The following SAMD3 variants were observed in gnomAD, a reference collection of about 807,000 sequenced individuals.
SAMD3 encodes sterile alpha motif domain-containing protein 3.
A neutral mutation model predicts 58.5 loss-of-function variants in SAMD3; 63 were observed. The observed-to-expected ratio is 1.08, with a 90% CI of 0.88 to 1.33. The LOEUF is 1.33. Among genes scored for constraint, SAMD3 ranks in the 40% most tolerant of loss-of-function variants. The pLI, the probability that SAMD3 is intolerant of heterozygous loss-of-function variation, is 0.00. For missense variants in SAMD3, 604 were observed against 608.4 expected, an observed-to-expected ratio of 0.99 and a Z score of 0.08; for synonymous variants, 220 against 210.3, an observed-to-expected ratio of 1.05 and a Z score of -0.40.
chr6:130,193,172 C>T (rs1273031134), intron 5 of SAMD3, among the ~76,000 whole-genome samples: 4 of 152,076 alleles, frequency 2.6e-5, no homozygotes, highest in African/African-American at 7.2e-5. Flanking sequence ...GCAGGAAGTC[C>T]CACTTTTCTG....
At chr6:130,339,067 G>T (rs879930476) in intron 1 of SAMD3, among the ~76,000 whole-genome samples, 9 of 152,016 alleles carry the variant, frequency 5.9e-5, no homozygotes, top group Non-Finnish European at 1.3e-4. Context: ...GTTTTTTTGA[G>T]ATGGAGTCTC....
At chr6:130,309,030 T>C (rs983039113) in intron 2 of SAMD3, among the ~76,000 whole-genome samples, 4 of 152,192 alleles carry the variant, frequency 2.6e-5, no homozygotes, top group African/African-American at 9.6e-5. Context: ...ATTTGATCTC[T>C]GATAATAAGG....
At chr6:130,148,311 A>C (rs374291770) in intron 9 of SAMD3, among the ~76,000 whole-genome samples, 224 of 152,368 alleles carry the variant, frequency 1.5e-3, no homozygotes, top group African/African-American at 5.1e-3. Flanking sequence ...AACGGTTACA[A>C]ATCTGATCCT....
Position 130,152,655 on chromosome 6 carries a change from C to T in SAMD3, c.1023+2170G>A, listed in dbSNP as rs192927307. Among the ~76,000 whole-genome samples, 254 of 151,702 alleles carry T rather than the reference C, an allele frequency of 1.7e-3. 1 individual carries two copies. The highest frequency in any genetic ancestry group is 5.4e-3 in the African/African-American group (224 of 41,304). ...TTGTGCCACTGCACTCCAGCCTGGG[C>T]GACAAAGTAAGACTCTGTCTCAATA... On this transcript the variant is annotated intron_variant, in intron 9 of 11. Transcript: ENST00000439090.
chr6:130,339,200 C>T (rs949152585), intron 1 of SAMD3, among the ~76,000 whole-genome samples: 2 of 152,112 alleles, frequency 1.3e-5, no homozygotes, highest in African/African-American at 4.8e-5. Context: ...GTGCCTGCCA[C>T]CACGCCCGGC....
chr6:130,191,468 T>G (rs189498153), intron 5 of SAMD3, among the ~76,000 whole-genome samples: 1 of 152,184 alleles, frequency 6.6e-6, no homozygotes, highest in East Asian at 1.9e-4. Context: ...AAACCCCTTT[T>G]GGAGCTATTG....
intron 2 of SAMD3, among the ~76,000 whole-genome samples, chr6:130,302,405 T>C (rs1267546957): frequency 6.6e-6 from 1 of 152,140 alleles, no homozygotes; most frequent in Non-Finnish European, 1.5e-5. Context: ...TCAAAATAGC[T>C]ATTATTAAAA....
intron 2 of SAMD3, among the ~76,000 whole-genome samples, chr6:130,230,456 C>T (rs1476182421): frequency 2.6e-5 from 4 of 152,106 alleles, no homozygotes; most frequent in Admixed American, 2.6e-4. Context: ...GGTGCAATCT[C>T]AGCTCACTGA....
At chr6:130,249,981 C>T (rs953991175) in intron 2 of SAMD3, among the ~76,000 whole-genome samples, 1 of 152,114 alleles carries the variant, frequency 6.6e-6, no homozygotes, top group Non-Finnish European at 1.5e-5. Flanking sequence ...TTTACAGCAT[C>T]CAACCCTGAT....
chr6:130,158,800 C>T (rs1790026705), intron 8 of SAMD3, among the ~76,000 whole-genome samples: 1 of 152,186 alleles, frequency 6.6e-6, no homozygotes, highest in African/African-American at 2.4e-5. Context: ...TTTAAATAGC[C>T]TCTAGTGGTT....
intron 8 of SAMD3, among the ~76,000 whole-genome samples, 168 bp from the exon 9 acceptor site, chr6:130,155,193 TTAGA>T (rs749074706): frequency 2.7e-4 from 41 of 152,210 alleles, no homozygotes; most frequent in Non-Finnish European, 5.1e-4. Context: ...TGACAATAAA[TTAGA>T]TAGTTAATTA....
At chr6:130,237,473 A>T (rs895220074) in intron 2 of SAMD3, among the ~76,000 whole-genome samples, 2 of 152,100 alleles carry the variant, frequency 1.3e-5, no homozygotes, top group Non-Finnish European at 2.9e-5. Context: ...TTTACCCAGA[A>T]CTGCTGCCCA....
At chr6:130,224,430 G>A (rs904307577), upstream of SAMD3, among the ~76,000 whole-genome samples, 16 of 150,404 alleles carry the variant, frequency 1.1e-4, no homozygotes, top group South Asian at 2.1e-4. Context: ...CCCGCCTCCC[G>A]TATCAAAAGC....
intron 5 of SAMD3, among the ~76,000 whole-genome samples, chr6:130,187,647 T>C (rs1449524130): frequency 6.6e-6 from 1 of 151,970 alleles, no homozygotes; most frequent in African/African-American, 2.4e-5. Flanking sequence ...TCTGTAAAAT[T>C]ATATTTGCAT....
At chr6:130,190,249 G>A (rs528613847) in intron 5 of SAMD3, among the ~76,000 whole-genome samples, 3 of 151,184 alleles carry the variant, frequency 2.0e-5, no homozygotes, top group South Asian at 2.1e-4. Flanking sequence ...CTCTTTGGGC[G>A]AACACAACAG....
At chr6:130,345,472 T>G (rs1395552735) in intron 1 of SAMD3, among the ~76,000 whole-genome samples, 2 of 152,126 alleles carry the variant, frequency 1.3e-5, no homozygotes. Flanking sequence ...TTAATCTAGA[T>G]GGAACTGTAT....
chr6:130,359,399 T>C (rs1289702820), intron 1 of SAMD3, among the ~76,000 whole-genome samples: 1 of 152,222 alleles, frequency 6.6e-6, no homozygotes, highest in Non-Finnish European at 1.5e-5. Flanking sequence ...CCTACACTTC[T>C]CTGAGTGCAC....
chr6:130,282,893 G>A (rs1469645601), intron 2 of SAMD3, among the ~76,000 whole-genome samples: 1 of 152,140 alleles, frequency 6.6e-6, no homozygotes, highest in Non-Finnish European at 1.5e-5. Flanking sequence ...TTTCAGGGAG[G>A]CATGCCCTCA....
chr6:130,156,905 C>T (rs1299065090), intron 8 of SAMD3, among the ~76,000 whole-genome samples: 1 of 151,816 alleles, frequency 6.6e-6, no homozygotes, highest in Non-Finnish European at 1.5e-5. Flanking sequence ...CCTGTCTCTA[C>T]TAAAAATACA....
Sources: gnomAD v4.1 joint callset for allele counts (sites outside exome capture counted in the v4.1 genomes callset) on GRCh38, gnomAD v4.1.1 for gene constraint, MANE v1.5 for transcripts, NCBI Gene and HGNC (gene_info 2026-07-23, HGNC 2026-07-21) for gene names.